OR3A2: variants seen among roughly 807,000 people sequenced by gnomAD.
The protein encoded by OR3A2 is olfactory receptor family 3 subfamily A member 2.
For missense variants in OR3A2, 318 were observed against 392.8 expected (o/e 0.81, Z 1.61); for synonymous variants, 126 against 159.3 (o/e 0.79, Z 1.57).
At chr17:3,345,182 C>G (rs144373292) in intron 2 of OR3A2, among the ~76,000 whole-genome samples, 2 of 152,102 alleles carry the variant, frequency 1.3e-5, no homozygotes, top group African/African-American at 4.8e-5. Flanking sequence ...GATGTCGGTA[C>G]AGGCAAATTA....
At chr17:3,371,070 C>A (rs1350988692) in intron 2 of OR3A2, among the ~76,000 whole-genome samples, 3 of 151,938 alleles carry the variant, frequency 2.0e-5, no homozygotes, top group African/African-American at 7.2e-5. Flanking sequence ...CCCACCTTTC[C>A]CCCCTTTCTA....
chr17:3,347,387 C>A (rs976207359), intron 2 of OR3A2, among the ~76,000 whole-genome samples: 8 of 152,142 alleles, frequency 5.3e-5, no homozygotes, highest in Admixed American at 3.9e-4. Flanking sequence ...AATGCTATCC[C>A]TCCCCTCTCC....
At chr17:3,323,857 AG>A (rs1399649476) in intron 3 of OR3A2, among the ~76,000 whole-genome samples, 1 of 151,872 alleles carries the variant, frequency 6.6e-6, no homozygotes, top group Non-Finnish European at 1.5e-5. Flanking sequence ...CTTCTCGAGG[AG>A]TATCTTTGTG....
At chr17:3,333,406 C>T (rs1053173514) in intron 3 of OR3A2, among the ~76,000 whole-genome samples, 1 of 152,144 alleles carries the variant, frequency 6.6e-6, no homozygotes, top group African/African-American at 2.4e-5. Context: ...GCCTTGTGAT[C>T]TTTGCTTTGC....
intron 2 of OR3A2, among the ~76,000 whole-genome samples, chr17:3,362,764 A>C (rs2049529147): frequency 6.6e-6 from 1 of 151,740 alleles, no homozygotes; most frequent in Non-Finnish European, 1.5e-5. Context: ...GAGCCCCTGC[A>C]GCAGACTTCT....
At chr17:3,299,621 G>C (rs1017540245) in intron 3 of OR3A2, among the ~76,000 whole-genome samples, 6 of 152,206 alleles carry the variant, frequency 3.9e-5, no homozygotes, top group African/African-American at 1.4e-4. Flanking sequence ...GTTCAAACAG[G>C]AAGTGCCCAC....
rs201439962 is a variant in OR3A2, at chr17:3,367,599, G to GTATATA, written c.-179+16204_-179+16205insTATATA. On this transcript the variant is annotated intron_variant, in intron 2 of 4. Coordinates refer to the OR3A2 transcript ENST00000573491. ...GGTGTATATGTATATGTGTGTGTGT[G>GTATATA]TGTATATATATATATATATATATGC... Among the ~76,000 whole-genome samples the GTATATA allele has an allele frequency of 2.7e-3, 231 of 85,950 alleles. 1 individual carries two copies. In the East Asian group the frequency reaches 0.028, roughly 10 times the overall value. 56.4% of individuals were successfully genotyped at this position (85,950 alleles called of 152,430 possible). A position where few individuals can be genotyped will look rare whatever the true frequency, so the allele number is the denominator to read the frequency against.
chr17:3,359,181 G>A (rs927222055), intron 2 of OR3A2, among the ~76,000 whole-genome samples: 2 of 151,698 alleles, frequency 1.3e-5, no homozygotes, highest in Non-Finnish European at 2.9e-5. Flanking sequence ...TTTTGTGTGA[G>A]ATGGGTCTCA....
At chr17:3,349,046 A>G (rs1266023556) in intron 2 of OR3A2, among the ~76,000 whole-genome samples, 2 of 152,182 alleles carry the variant, frequency 1.3e-5, no homozygotes, top group African/African-American at 4.8e-5. Flanking sequence ...AAACATGGAA[A>G]GGAACAACCG....
intron 3 of OR3A2, among the ~76,000 whole-genome samples, chr17:3,323,527 T>G (rs1373409844): frequency 6.6e-6 from 1 of 152,126 alleles, no homozygotes; most frequent in Admixed American, 6.5e-5. Flanking sequence ...AGCACTTCCT[T>G]CAGGAGCTCT....
At chr17:3,385,269 T>C (rs2049768314) in intron 1 of OR3A2, among the ~76,000 whole-genome samples, 2 of 152,214 alleles carry the variant, frequency 1.3e-5, no homozygotes, top group Admixed American at 1.3e-4. Flanking sequence ...AAATGAATGG[T>C]AAATGCAGTA....
At chr17:3,295,217 G>A (rs2048909990) in intron 3 of OR3A2, among the ~76,000 whole-genome samples, 1 of 152,054 alleles carries the variant, frequency 6.6e-6, no homozygotes, top group South Asian at 2.1e-4. Flanking sequence ...ATAGCTGAAT[G>A]TTAAAAGATA....
intron 3 of OR3A2, chr17:3,298,449 T>G (rs1443392790): frequency 6.6e-6 from 1 of 151,714 alleles, no homozygotes; most frequent in Non-Finnish European, 1.5e-5. Flanking sequence ...CCCCGAGAAA[T>G]GGGTCCAGGC....
chr17:3,371,835 A>C (rs182800), intron 2 of OR3A2, among the ~76,000 whole-genome samples: 70,618 of 110,846 alleles, frequency 0.64, 22,830 homozygotes, highest in East Asian at 0.98. Flanking sequence ...TGACCTCCCC[A>C]CCACCTCCCG....
chr17:3,281,177 G>A (rs977565556), intron 1 of OR3A2, among the ~76,000 whole-genome samples: 2 of 151,526 alleles, frequency 1.3e-5, no homozygotes, highest in Non-Finnish European at 2.9e-5. Context: ...CTGTTGTCCA[G>A]AATTTACCCA....
chr17:3,319,313 A>C (rs1023939572), intron 3 of OR3A2, among the ~76,000 whole-genome samples: 8 of 151,368 alleles, frequency 5.3e-5, no homozygotes, highest in African/African-American at 1.7e-4. Flanking sequence ...TGGGGGCCAC[A>C]TATATCTCTC....
chr17:3,377,250 G>A (rs987750665), intron 2 of OR3A2, among the ~76,000 whole-genome samples: 42 of 152,078 alleles, frequency 2.8e-4, no homozygotes, highest in African/African-American at 8.7e-4. Context: ...TCTCCTAACC[G>A]CCATTTTCCT....
intron 3 of OR3A2, among the ~76,000 whole-genome samples, chr17:3,301,389 TG>T (rs1412252541): frequency 6.6e-6 from 1 of 151,848 alleles, no homozygotes; most frequent in East Asian, 1.9e-4. Flanking sequence ...CCATTCTAAC[TG>T]GTGTGAGATG....
At chr17:3,281,931 T>G (rs1466346908) in intron 1 of OR3A2, among the ~76,000 whole-genome samples, 3 of 152,232 alleles carry the variant, frequency 2.0e-5, no homozygotes, top group Non-Finnish European at 4.4e-5. Flanking sequence ...TATGGGTGTT[T>G]CCTTAGCGCC....
Sources: allele counts gnomAD v4.1 joint callset (sites outside exome capture counted in the v4.1 genomes callset), GRCh38; gene constraint gnomAD v4.1.1; transcripts MANE v1.5; gene names NCBI Gene and HGNC (gene_info 2026-07-23, HGNC 2026-07-21).